MALRD1: variants seen among roughly 807,000 people sequenced by gnomAD.
The protein encoded by MALRD1 is MAM and LDL-receptor class A domain-containing protein 1.
MALRD1 carries 247 observed loss-of-function variants against 242.1 expected under a neutral mutation model. The ratio of observed to expected loss-of-function variants is 1.02; its 90% confidence interval spans 0.92 to 1.13. The LOEUF (loss-of-function observed/expected upper bound fraction) is 1.13, where lower values mean the gene tolerates loss of function less well. Among genes scored for constraint, MALRD1 ranks in the 50% most tolerant of loss-of-function variants. The pLI is 0.00. For missense variants in MALRD1, 2,989 were observed against 2,533.1 expected, an observed-to-expected ratio of 1.18 and a Z score of -3.86; for synonymous variants, 995 against 866.6, an observed-to-expected ratio of 1.15 and a Z score of -2.60.
chr10:19,574,151 T>C (rs1836690355), intron 33 of MALRD1, among the ~76,000 whole-genome samples: 1 of 152,196 alleles, frequency 6.6e-6, no homozygotes, highest in Admixed American at 6.5e-5. Context: ...ACTTCGTTAA[T>C]GAATAGAGAC....
chr10:19,668,321 C>G (rs1002628173), intron 36 of MALRD1, among the ~76,000 whole-genome samples: 2 of 152,048 alleles, frequency 1.3e-5, no homozygotes, highest in Non-Finnish European at 2.9e-5. Flanking sequence ...AATGGGGAGG[C>G]AAAATGACAC....
chr10:19,325,505 C>T lies in MALRD1; in HGVS notation c.3576+1400C>T, dbSNP rs559440379. On this transcript the variant is annotated intron_variant, in intron 22 of 39. Coordinates refer to ENST00000454679, the MANE Select transcript of MALRD1 (RefSeq NM_001142308.3). ...GATTCCCAAGTCCTGTCTTCCCATACTGTATATGCCCTGGTGGAGAATAAT... is the reference window on the plus strand; with the variant it reads ...GATTCCCAAGTCCTGTCTTCCCATATTGTATATGCCCTGGTGGAGAATAAT... Among the ~76,000 whole-genome samples, 4 of 151,674 alleles carry T rather than the reference C, an allele frequency of 2.6e-5. No individual in the cohort carries two copies. The South Asian group carries it at 6.2e-4, about 24-fold the overall frequency.
rs188014417 is a variant in MALRD1, at chr10:19,197,239, G to A, written c.1952-6489G>A. Among the ~76,000 whole-genome samples the A allele has an allele frequency of 3.9e-5, 6 of 152,210 alleles. No homozygotes were observed. In the South Asian group the frequency reaches 6.2e-4, roughly 16 times the overall value. On this transcript the variant is annotated intron_variant, in intron 14 of 39. Coordinates refer to ENST00000454679, the MANE Select transcript of MALRD1 (RefSeq NM_001142308.3). ...TCCCCCCAGGTCCCTCCCTCAACAC[G>A]TGAGAATTACAATTCAAGATGAGAT...
chr10:19,443,616 T>A (rs1284360504), intron 28 of MALRD1, among the ~76,000 whole-genome samples: 2 of 152,230 alleles, frequency 1.3e-5, no homozygotes, highest in African/African-American at 4.8e-5. Context: ...TCAGTTTCCA[T>A]GTAGTTGAGC....
At chr10:19,350,093 G>T (rs1484352236) in intron 25 of MALRD1, among the ~76,000 whole-genome samples, 1 of 151,846 alleles carries the variant, frequency 6.6e-6, no homozygotes, top group Non-Finnish European at 1.5e-5. Context: ...TATTCATCGG[G>T]TAAGCAGATT....
At chr10:19,669,090 GA>G (rs1841804320) in intron 36 of MALRD1, among the ~76,000 whole-genome samples, 3 of 152,164 alleles carry the variant, frequency 2.0e-5, no homozygotes, top group Admixed American at 6.6e-5. Context: ...CATGAATACT[GA>G]AAGAATCACC....
At chr10:19,592,767 GCA>G (rs138483194) in intron 33 of MALRD1, among the ~76,000 whole-genome samples, 1,185 of 104,574 alleles carry the variant, frequency 0.011, 12 homozygotes, top group African/African-American at 0.03. Flanking sequence ...ACACACGCAC[GCA>G]CACACACACA....
chr10:19,353,081 A>G (rs1844467457), intron 26 of MALRD1, among the ~76,000 whole-genome samples: 1 of 151,930 alleles, frequency 6.6e-6, no homozygotes, highest in Non-Finnish European at 1.5e-5. Flanking sequence ...ATCTAAGTTC[A>G]CTGCAACCTC....
intron 36 of MALRD1, among the ~76,000 whole-genome samples, chr10:19,691,053 A>G (rs1219332309): frequency 2.6e-5 from 4 of 152,086 alleles, no homozygotes; most frequent in South Asian, 4.1e-4. Flanking sequence ...CCCCATCTCT[A>G]GATCATACCA....
chr10:19,685,961 T>G (rs1246088310), intron 36 of MALRD1, among the ~76,000 whole-genome samples: 5 of 152,062 alleles, frequency 3.3e-5, no homozygotes, highest in Admixed American at 6.6e-5. Flanking sequence ...GGAATTGGGT[T>G]GAGGGTCCAA....
chr10:19,507,280 A>G (rs760702377), intron 31 of MALRD1, among the ~76,000 whole-genome samples: 1 of 152,134 alleles, frequency 6.6e-6, no homozygotes, highest in African/African-American at 2.4e-5. Flanking sequence ...ATGGGTTGAA[A>G]TGGTTAAAGC....
At chr10:19,225,758 C>T (rs1257915191) in intron 18 of MALRD1, among the ~76,000 whole-genome samples, 10 of 152,102 alleles carry the variant, frequency 6.6e-5, no homozygotes, top group Admixed American at 5.9e-4. Context: ...CCAGGCTCTG[C>T]CTTAGGAAAA....
intron 7 of MALRD1, among the ~76,000 whole-genome samples, chr10:19,125,325 CTTTCTTT>C (rs1837234966): frequency 1.7e-5 from 1 of 59,922 alleles, no homozygotes; most frequent in African/African-American, 7.6e-5. Flanking sequence ...TTCCTTCCTT[CTTTCTTT>C]CTTTCTTTCT....
At chr10:19,080,809 A>G (rs1273087217) in intron 2 of MALRD1, among the ~76,000 whole-genome samples, 2 of 152,114 alleles carry the variant, frequency 1.3e-5, no homozygotes, top group African/African-American at 4.8e-5. Flanking sequence ...AGCAAAAGAA[A>G]CTATCATCAG....
chr10:19,697,141 CAG>C (rs1006108839), intron 38 of MALRD1, among the ~76,000 whole-genome samples: 1 of 151,934 alleles, frequency 6.6e-6, no homozygotes, highest in Non-Finnish European at 1.5e-5. Context: ...GAGATAGAGA[CAG>C]AGAGAGAAAG....
chr10:19,074,452 G>A (rs1439591757), intron 2 of MALRD1, among the ~76,000 whole-genome samples: 2 of 152,042 alleles, frequency 1.3e-5, no homozygotes, highest in East Asian at 1.9e-4. Context: ...GCATGAATTT[G>A]AAATGGGTGA....
At chr10:19,305,225 G>A (rs1046444605) in intron 21 of MALRD1, among the ~76,000 whole-genome samples, 2 of 151,568 alleles carry the variant, frequency 1.3e-5, no homozygotes, top group African/African-American at 2.4e-5. Flanking sequence ...GAAAAACATC[G>A]ATCTTTTGTT....
chr10:19,423,944 T>TA (rs1279929546), intron 28 of MALRD1, among the ~76,000 whole-genome samples: 1 of 152,194 alleles, frequency 6.6e-6, no homozygotes, highest in African/African-American at 2.4e-5. Flanking sequence ...ATGGATCATT[T>TA]ATGTTGGATG....
Position 19,175,475 on chromosome 10 carries a change from T to C in MALRD1, c.1951+147T>C, listed in dbSNP as rs551366557. On this transcript the variant is annotated intron_variant, in intron 14 of 39. Transcript: ENST00000454679. ...TCTTGAAACCTAAAATATATATATA[T>C]ATATATATTTTAAAAGGTAAACATC... The C allele has an allele frequency of 6.0e-5, 13 of 217,042 alleles. No individual in the cohort carries two copies. The South Asian group carries it at 1.9e-3, about 31-fold the overall frequency. The allele number at this position is 217,042 out of a possible 1,614,324, so 13.4% of individuals were successfully genotyped here.
Sources: allele counts gnomAD v4.1 joint callset (sites outside exome capture counted in the v4.1 genomes callset), GRCh38; gene constraint gnomAD v4.1.1; transcripts MANE v1.5; gene names NCBI Gene and HGNC (gene_info 2026-07-23, HGNC 2026-07-21).